ITGA1: variants seen among roughly 807,000 people sequenced by gnomAD.
ITGA1 encodes integrin alpha-1.
A neutral mutation model predicts 145.9 loss-of-function variants in ITGA1; 85 were observed. The observed-to-expected ratio is 0.58, with a 90% CI of 0.49 to 0.70. The LOEUF (loss-of-function observed/expected upper bound fraction) is 0.70. Ranked by LOEUF, ITGA1 falls within the 30% of genes least tolerant of loss-of-function variation. ITGA1 has a pLI of 0.00. For synonymous variants in ITGA1, 520 were observed against 495.3 expected (o/e 1.05, Z -0.66); for missense variants, 1,351 against 1,418.7 (o/e 0.95, Z 0.77).
At chr5:52,860,898 T>C (rs1049293887) in intron 2 of ITGA1, among the ~76,000 whole-genome samples, 1 of 152,232 alleles carries the variant, frequency 6.6e-6, no homozygotes, top group African/African-American at 2.4e-5. Context: ...CTATCCTTAT[T>C]TTCTAAGCAC....
intron 26 of ITGA1, among the ~76,000 whole-genome samples, chr5:52,941,616 T>G (rs1751055772): frequency 6.6e-6 from 1 of 152,190 alleles, no homozygotes; most frequent in South Asian, 2.1e-4. Context: ...CATTATTTAA[T>G]GTGGTTATTT....
At position 52,932,124 on chromosome 5, in the gene ITGA1, T is replaced by C; in HGVS notation, c.2849T>C (p.Leu950Pro). ...ATCCCGGTAAAATATGAAGTTGGAC[T>C]ACAGTTTTACAGGTAGGAGAAAACT... ...ISIPVKYEVGLQFYSSASEYH... is the reference protein window; with the variant it reads ...ISIPVKYEVGPQFYSSASEYH... Residue 950 changes from leucine (L) to proline (P), a missense_variant, in exon 22 of 29, where the codon CTA becomes CCA. Coordinates refer to ENST00000282588, the MANE Select transcript of ITGA1 (RefSeq NM_181501.2). 1 of 1,583,602 alleles carries C rather than the reference T, an allele frequency of 6.3e-7. No individual in the cohort carries two copies.
intron 28 of ITGA1, 74 bp downstream of exon 28, chr5:52,947,535 T>G: frequency 1.2e-6 from 1 of 836,272 alleles, no homozygotes; most frequent in Non-Finnish European, 2.1e-6. Flanking sequence ...TCTGATATAT[T>G]CAGACTATGT....
chr5:52,881,939 G>T lies in ITGA1; in HGVS notation c.691G>T (p.Glu231Ter). 1 of 1,613,808 alleles carries T rather than the reference G, an allele frequency of 6.2e-7. No individual in the cohort carries two copies. Among genetic ancestry groups the T allele is most frequent in the Non-Finnish European group, 8.5e-7 (1 of 1,179,854 alleles). Residue 231 changes from glutamate (E) to a stop codon, truncating the protein, a stop_gained, in exon 7 of 29, where the codon GAA becomes TAA. Transcript: ENST00000282588. LOFTEE classifies it high-confidence loss of function. ...EFNLNKYSSTEEVLVAAKKIV... is the reference protein window; with the variant it reads ...EFNLNKYSST ...CAACCTCAATAAGTATTCTTCCACC[G>T]AAGAGGTACTTGTTGCAGCAAAGAA...
At chr5:52,856,245 C>G (rs1319421367) in intron 2 of ITGA1, among the ~76,000 whole-genome samples, 6 of 152,284 alleles carry the variant, frequency 3.9e-5, no homozygotes, top group African/African-American at 1.4e-4. Context: ...CTCCTGTCTC[C>G]ACACTTTTCC....
intron 19 of ITGA1, among the ~76,000 whole-genome samples, chr5:52,925,778 GA>G (rs1369943924): frequency 1.3e-5 from 2 of 152,060 alleles, no homozygotes; most frequent in South Asian, 2.1e-4. Flanking sequence ...CAGAGTCAAG[GA>G]AAATAATAAC....
At chr5:52,934,697 G>A (rs1275660) in intron 23 of ITGA1, among the ~76,000 whole-genome samples, 126,654 of 151,810 alleles carry the variant, frequency 0.83, 53,184 homozygotes, top group African/African-American at 0.92. Flanking sequence ...AAAAAAGAGA[G>A]CACAATTCAA....
At chr5:52,888,020 T>G in intron 8 of ITGA1, 55 bp downstream of exon 8, 2 of 1,522,144 alleles carry the variant, frequency 1.3e-6, no homozygotes, top group South Asian at 2.4e-5. Flanking sequence ...AAGAGCTGTG[T>G]GCATATTGGG....
chr5:52,874,510 A>G (rs1467972099), intron 6 of ITGA1, among the ~76,000 whole-genome samples: 5 of 152,102 alleles, frequency 3.3e-5, no homozygotes, highest in African/African-American at 9.7e-5. Flanking sequence ...AATCTTAAAC[A>G]TGACTTTCAG....
intron 14 of ITGA1, 42 bp downstream of exon 14, chr5:52,910,461 G>C: frequency 6.3e-7 from 1 of 1,589,542 alleles, no homozygotes; most frequent in Non-Finnish European, 8.6e-7. Context: ...TCAGTGATAA[G>C]TCGGTTCAAT....
At chr5:52,836,884 C>T (rs968094334) in intron 1 of ITGA1, among the ~76,000 whole-genome samples, 2 of 151,852 alleles carry the variant, frequency 1.3e-5, no homozygotes, top group Non-Finnish European at 2.9e-5. Flanking sequence ...ACTACGTCTT[C>T]AAATGTATAA....
intron 1 of ITGA1, among the ~76,000 whole-genome samples, chr5:52,842,972 G>T (rs184056430): frequency 1.3e-5 from 2 of 152,238 alleles, no homozygotes; most frequent in African/African-American, 2.4e-5. Flanking sequence ...GATTTCAAGT[G>T]TGAGCCACCG....
In ITGA1 at chr5:52,788,252, C is replaced by G; in HGVS notation, c.-102C>G. ...TGCCACTGGGGCAGAGGACTGGGAA[C>G]CGCGGCAGCGGGATAAGTGGCCCAG... On this transcript the variant is annotated 5_prime_UTR_variant, in exon 1 of 29. Coordinates refer to ENST00000282588, the MANE Select transcript of ITGA1 (RefSeq NM_181501.2). The G allele has an allele frequency of 1.1e-6, 1 of 911,812 alleles. No individual in the cohort carries two copies. The highest frequency in any genetic ancestry group is 1.5e-6 in the Non-Finnish European group (1 of 651,892). 56.5% of individuals were successfully genotyped at this position (911,812 alleles called of 1,614,324 possible).
intron 19 of ITGA1, 88 bp downstream of exon 19, chr5:52,925,575 G>C: frequency 1.0e-6 from 1 of 965,902 alleles, no homozygotes; most frequent in Non-Finnish European, 1.6e-6. Flanking sequence ...GCTTTTATTA[G>C]ATTGATTTTG....
intron 7 of ITGA1, 52 bp from the exon 8 acceptor site, chr5:52,887,763 C>A: frequency 1.3e-6 from 2 of 1,521,778 alleles, no homozygotes; most frequent in South Asian, 1.3e-5. Context: ...TTTACTTTGT[C>A]TATTGTAAAG....
At chr5:52,849,652 A>G (rs911649566) in intron 2 of ITGA1, among the ~76,000 whole-genome samples, 167 bp downstream of exon 2, 1 of 152,094 alleles carries the variant, frequency 6.6e-6, no homozygotes, top group Non-Finnish European at 1.5e-5. Flanking sequence ...AAGTAAAAAA[A>G]AAAAAATTCC....
chr5:52,801,153 T>A, intron 1 of ITGA1: 1 of 1,560,214 alleles, frequency 6.4e-7, no homozygotes, highest in Non-Finnish European at 8.7e-7. Flanking sequence ...TAATTAAGAA[T>A]GGGCAGAGGG....
intron 6 of ITGA1, among the ~76,000 whole-genome samples, chr5:52,880,857 A>C (rs1749945581): frequency 6.6e-6 from 1 of 152,220 alleles, no homozygotes; most frequent in Non-Finnish European, 1.5e-5. Context: ...CACAATTTTT[A>C]ATGCAGATTA....
chr5:52,820,934 C>T (rs1241216403), intron 1 of ITGA1, among the ~76,000 whole-genome samples: 1 of 152,098 alleles, frequency 6.6e-6, no homozygotes, highest in African/African-American at 2.4e-5. Context: ...ATGAAACTCT[C>T]ATCTATTTAG....
Sources: gnomAD v4.1 joint callset for allele counts (sites outside exome capture counted in the v4.1 genomes callset) on GRCh38, gnomAD v4.1.1 for gene constraint, MANE v1.5 for transcripts, NCBI Gene and HGNC (gene_info 2026-07-23, HGNC 2026-07-21) for gene names.